CDK19: variants seen among roughly 807,000 people sequenced by gnomAD.
CDK19 encodes cyclin-dependent kinase 19.
CDK19 carries 20 observed loss-of-function variants against 68.3 expected under a neutral mutation model. The observed-to-expected ratio is 0.29, with a 90% CI of 0.21 to 0.43. The LOEUF is 0.43. Ranked by LOEUF, CDK19 falls within the 20% of genes least tolerant of loss-of-function variation. The probability of loss-of-function intolerance (pLI) is 1.00; values close to 1 mark genes in which losing one functional copy is unlikely to be tolerated. For missense variants in CDK19, 339 were observed against 623.5 expected, an observed-to-expected ratio of 0.54 and a Z score of 4.86; for synonymous variants, 221 against 222.8, an observed-to-expected ratio of 0.99 and a Z score of 0.07.
chr6:110,642,992 G>A (rs1356188655), intron 4 of CDK19, among the ~76,000 whole-genome samples: 1 of 152,200 alleles, frequency 6.6e-6, no homozygotes, highest in African/African-American at 2.4e-5. Context: ...TATGGCTGGA[G>A]AGTTAAGGAA....
At chr6:110,701,409 G>A (rs1008128457) in intron 2 of CDK19, among the ~76,000 whole-genome samples, 7 of 149,328 alleles carry the variant, frequency 4.7e-5, no homozygotes, top group Admixed American at 6.7e-5. Flanking sequence ...AAAATTAGCC[G>A]AGCATGGTGG....
At chr6:110,758,607 T>C (rs889555832) in intron 1 of CDK19, among the ~76,000 whole-genome samples, 6 of 152,146 alleles carry the variant, frequency 3.9e-5, no homozygotes, top group Non-Finnish European at 8.8e-5. Flanking sequence ...TTTTAAAAAA[T>C]ATTTTCACAG....
intron 8 of CDK19, 110 bp downstream of exon 8, chr6:110,626,666 C>T: frequency 4.5e-6 from 3 of 669,162 alleles, no homozygotes; most frequent in Non-Finnish European, 7.4e-6. Flanking sequence ...CTTGGACTTT[C>T]CAGCCTCAAG....
chr6:110,810,681 G>C lies in CDK19; in HGVS notation c.128+4328C>G, dbSNP rs1783017533. On this transcript the variant is annotated intron_variant, in intron 1 of 12. Coordinates refer to ENST00000368911, the MANE Select transcript of CDK19 (RefSeq NM_015076.5). ...CCCAGCTACTCAGGAGGCTGAGGCAGGACAATCGCTGGAACCCAAGAGGCG... is the reference window on the plus strand; with the variant it reads ...CCCAGCTACTCAGGAGGCTGAGGCACGACAATCGCTGGAACCCAAGAGGCG... 3.9e-5 allele frequency among the ~76,000 whole-genome samples: 6 copies of C among 152,092 alleles called. No individual in the cohort carries two copies. In the South Asian group the frequency reaches 1.0e-3, roughly 26 times the overall value.
chr6:110,678,501 A>G (rs1771721752), intron 2 of CDK19, among the ~76,000 whole-genome samples: 4 of 152,024 alleles, frequency 2.6e-5, no homozygotes. Flanking sequence ...AACCTCATCT[A>G]CTTTAACTCT....
intron 1 of CDK19, among the ~76,000 whole-genome samples, chr6:110,807,660 C>A (rs894292932): frequency 6.6e-6 from 1 of 152,088 alleles, no homozygotes; most frequent in Admixed American, 6.6e-5. Flanking sequence ...GGAGTTTTCG[C>A]TGTTGGCAAG....
chr6:110,724,535 T>C (rs914184648), intron 2 of CDK19, among the ~76,000 whole-genome samples: 1 of 152,070 alleles, frequency 6.6e-6, no homozygotes, highest in Non-Finnish European at 1.5e-5. Flanking sequence ...CACAACTGTA[T>C]CTAAAATTTG....
chr6:110,642,273 C>A (rs1485049404), intron 4 of CDK19, among the ~76,000 whole-genome samples: 2 of 145,648 alleles, frequency 1.4e-5, no homozygotes, highest in Admixed American at 7.0e-5. Flanking sequence ...TGTGCCACCG[C>A]ACTCCAGCCT....
At chr6:110,647,843 G>A (rs1050256129) in intron 4 of CDK19, among the ~76,000 whole-genome samples, 1 of 152,050 alleles carries the variant, frequency 6.6e-6, no homozygotes, top group Non-Finnish European at 1.5e-5. Flanking sequence ...AAAAACTTCA[G>A]GCCAACCTTA....
chr6:110,815,787 T>A (rs1783605147), upstream of CDK19: 1 of 152,432 alleles, frequency 6.6e-6, no homozygotes, highest in African/African-American at 2.4e-5. Flanking sequence ...GCAGAGAGTA[T>A]GGAAAGCATT....
intron 1 of CDK19, among the ~76,000 whole-genome samples, chr6:110,794,775 C>T (rs1347236905): frequency 6.6e-6 from 1 of 151,596 alleles, no homozygotes. Context: ...TTCTTCACTA[C>T]TTTTCAGAAT....
chr6:110,777,415 A>C (rs1780483564), intron 1 of CDK19, among the ~76,000 whole-genome samples: 1 of 152,216 alleles, frequency 6.6e-6, no homozygotes, highest in African/African-American at 2.4e-5. Flanking sequence ...TCAATACAAT[A>C]AGATACGACC....
At chr6:110,682,040 A>G (rs746389281) in intron 2 of CDK19, among the ~76,000 whole-genome samples, 5 of 152,232 alleles carry the variant, frequency 3.3e-5, no homozygotes, top group Non-Finnish European at 7.3e-5. Context: ...TCGTATTTTT[A>G]TGTATACATC....
intron 1 of CDK19, among the ~76,000 whole-genome samples, chr6:110,799,480 T>TA (rs913620644): frequency 6.6e-6 from 1 of 152,242 alleles, no homozygotes; most frequent in Non-Finnish European, 1.5e-5. Flanking sequence ...AACCTATATG[T>TA]ATCCTCTCGT....
intron 1 of CDK19, among the ~76,000 whole-genome samples, chr6:110,806,692 T>C (rs1354896524): frequency 6.6e-6 from 1 of 152,108 alleles, no homozygotes; most frequent in Non-Finnish European, 1.5e-5. Context: ...AGATTTAAAA[T>C]ATGGGCCAAG....
chr6:110,724,014 TA>T (rs34790034), intron 2 of CDK19, among the ~76,000 whole-genome samples: 109,370 of 144,876 alleles, frequency 0.75, 41,194 homozygotes, highest in Middle Eastern at 0.86. Flanking sequence ...CCAACATTCT[TA>T]AAAAAAAAAA....
intron 2 of CDK19, among the ~76,000 whole-genome samples, chr6:110,688,566 G>T (rs1772704964): frequency 1.3e-5 from 2 of 152,080 alleles, no homozygotes; most frequent in Admixed American, 1.3e-4. Flanking sequence ...GCAAAAAACT[G>T]TAAGTCTCCT....
At chr6:110,681,323 G>T (rs527447079) in intron 2 of CDK19, among the ~76,000 whole-genome samples, 11 of 152,244 alleles carry the variant, frequency 7.2e-5, no homozygotes, top group Middle Eastern at 3.4e-3. Context: ...TTCAGCCTGG[G>T]CACCAGAGTG....
intron 2 of CDK19, among the ~76,000 whole-genome samples, chr6:110,733,642 T>C (rs1776933800): frequency 6.6e-6 from 1 of 152,068 alleles, no homozygotes; most frequent in Non-Finnish European, 1.5e-5. Context: ...GGTGGAGGTA[T>C]AGTATATTTT....
Sources: allele counts gnomAD v4.1 joint callset (sites outside exome capture counted in the v4.1 genomes callset), GRCh38; gene constraint gnomAD v4.1.1; transcripts MANE v1.5; gene names NCBI Gene and HGNC (gene_info 2026-07-23, HGNC 2026-07-21).